ASIC2: variants seen among roughly 807,000 people sequenced by gnomAD.
ASIC2 encodes acid-sensing ion channel 2.
A neutral mutation model predicts 57.3 loss-of-function variants in ASIC2; 25 were observed. The observed-to-expected ratio is 0.44, with a 90% CI of 0.32 to 0.61. The LOEUF (loss-of-function observed/expected upper bound fraction) is 0.61. Among genes scored for constraint, ASIC2 ranks in the 20% least tolerant of loss-of-function variants. The pLI, the probability that ASIC2 is intolerant of heterozygous loss-of-function variation, is 0.06. For missense variants in ASIC2, 641 were observed against 738.1 expected (o/e 0.87, Z 1.52); for synonymous variants, 319 against 307.5 (o/e 1.04, Z -0.39).
chr17:33,300,899 A>G (rs2142194106), intron 1 of ASIC2, among the ~76,000 whole-genome samples: 1 of 152,340 alleles, frequency 6.6e-6, no homozygotes, highest in East Asian at 1.9e-4. Flanking sequence ...TGAGAAGTTG[A>G]CATAATGAAG....
intron 1 of ASIC2, among the ~76,000 whole-genome samples, chr17:33,762,035 G>A (rs1910799316): frequency 6.6e-6 from 1 of 152,070 alleles, no homozygotes; most frequent in Admixed American, 6.5e-5. Context: ...AATGTCAGCA[G>A]GTCACACCTT....
chr17:33,980,770 C>A (rs554828071), intron 1 of ASIC2: 1 of 152,282 alleles, frequency 6.6e-6, no homozygotes, highest in South Asian at 2.1e-4. Flanking sequence ...ATGATTGATC[C>A]ATGGAAAGAC....
intron 1 of ASIC2, among the ~76,000 whole-genome samples, chr17:33,346,429 G>T (rs1175710911): frequency 1.3e-5 from 2 of 152,046 alleles, no homozygotes; most frequent in Non-Finnish European, 2.9e-5. Flanking sequence ...AACAGTGGTG[G>T]TATTTTCTGA....
At chr17:33,568,088 A>G (rs1916302990) in intron 1 of ASIC2, among the ~76,000 whole-genome samples, 1 of 152,142 alleles carries the variant, frequency 6.6e-6, no homozygotes, top group Non-Finnish European at 1.5e-5. Flanking sequence ...CTCAGTCACA[A>G]GTCAATCTGA....
chr17:33,893,868 C>G (rs558999748), intron 1 of ASIC2, among the ~76,000 whole-genome samples: 1 of 152,322 alleles, frequency 6.6e-6, no homozygotes, highest in Admixed American at 6.5e-5. Context: ...CCATCCTACC[C>G]TCATAAAACC....
chr17:34,099,224 AAG>A (rs1481548335), intron 1 of ASIC2, among the ~76,000 whole-genome samples: 1 of 148,470 alleles, frequency 6.7e-6, no homozygotes, highest in Non-Finnish European at 1.5e-5. Flanking sequence ...AAAGAAAAGA[AAG>A]AAAAAAGAAA....
chr17:33,901,482 T>A (rs1038502426), intron 1 of ASIC2, among the ~76,000 whole-genome samples: 1 of 152,116 alleles, frequency 6.6e-6, no homozygotes, highest in African/African-American at 2.4e-5. Flanking sequence ...TATTCCTCCC[T>A]TATTCCTCTT....
intron 1 of ASIC2, among the ~76,000 whole-genome samples, chr17:33,352,693 C>A (rs1908230884): frequency 6.6e-6 from 1 of 152,190 alleles, no homozygotes; most frequent in Admixed American, 6.5e-5. Context: ...GCCTTCCTTG[C>A]TGGCCTCCAC....
At chr17:34,068,169 C>T (rs968836232) in intron 1 of ASIC2, among the ~76,000 whole-genome samples, 4 of 152,192 alleles carry the variant, frequency 2.6e-5, no homozygotes, top group Non-Finnish European at 5.9e-5. Context: ...CCACAATCCT[C>T]TTCTCAACAT....
At chr17:34,113,976 G>C (rs889519401) in intron 1 of ASIC2, among the ~76,000 whole-genome samples, 1 of 152,234 alleles carries the variant, frequency 6.6e-6, no homozygotes, top group African/African-American at 2.4e-5. Context: ...TGAAGAGCTT[G>C]AGGCACCAGA....
chr17:33,663,640 G>A (rs1237692527), intron 1 of ASIC2, among the ~76,000 whole-genome samples: 1 of 152,160 alleles, frequency 6.6e-6, no homozygotes, highest in Non-Finnish European at 1.5e-5. Flanking sequence ...TGAACTGTAT[G>A]TAAGTACCAT....
Position 33,434,828 on chromosome 17 carries a change from T to C in ASIC2, c.556-322761A>G, listed in dbSNP as rs538743599. ...CGGAGAGTAAGGTATGCAATGGCTA[T>C]CTGATTTGAAAATGTAGATATAATA... On this transcript the variant is annotated intron_variant, in intron 1 of 9. Transcript: ENST00000359872. Among the ~76,000 whole-genome samples the C allele has an allele frequency of 1.2e-3, 188 of 152,350 alleles. 3 individuals carry two copies. The South Asian group carries it at 0.036, about 30-fold the overall frequency.
intron 1 of ASIC2, among the ~76,000 whole-genome samples, chr17:34,085,246 G>A (rs1158861432): frequency 2.0e-5 from 3 of 152,164 alleles, no homozygotes; most frequent in Non-Finnish European, 4.4e-5. Flanking sequence ...TTTTTAGCAT[G>A]AAGGTTGTTG....
At chr17:33,119,310 ATTCCGCTTTC>A (rs1171988241) in intron 1 of ASIC2, among the ~76,000 whole-genome samples, 1 of 152,204 alleles carries the variant, frequency 6.6e-6, no homozygotes, top group African/African-American at 2.4e-5. Flanking sequence ...CCCTGAGTCA[ATTCCGCTTTC>A]TTCTCAGTGA....
At chr17:33,095,757 C>G (rs1340401708) in intron 2 of ASIC2, among the ~76,000 whole-genome samples, 1 of 152,208 alleles carries the variant, frequency 6.6e-6, no homozygotes, top group Non-Finnish European at 1.5e-5. Context: ...GGACCATCCC[C>G]TGAAGGGCCG....
chr17:33,628,488 A>G (rs1906058215), intron 1 of ASIC2, among the ~76,000 whole-genome samples: 1 of 151,838 alleles, frequency 6.6e-6, no homozygotes, highest in Non-Finnish European at 1.5e-5. Flanking sequence ...GCAGAGATGA[A>G]GTCTCACTAT....
chr17:33,226,571 C>A (rs1428909607), intron 1 of ASIC2, among the ~76,000 whole-genome samples: 1 of 152,200 alleles, frequency 6.6e-6, no homozygotes, highest in African/African-American at 2.4e-5. Flanking sequence ...TCACTCTCGT[C>A]ATTTTTTTCA....
intron 1 of ASIC2, among the ~76,000 whole-genome samples, chr17:33,891,784 A>T (rs1383509470): frequency 3.3e-5 from 5 of 152,184 alleles, no homozygotes; most frequent in East Asian, 1.9e-4. Context: ...AGCTATGAAG[A>T]CAACTAAACA....
intron 1 of ASIC2, among the ~76,000 whole-genome samples, chr17:33,412,655 A>C (rs1169514057): frequency 6.6e-6 from 1 of 152,200 alleles, no homozygotes; most frequent in Admixed American, 6.5e-5. Context: ...TTTGGGCTGG[A>C]TATATGCCTA....
Sources: gnomAD v4.1 joint callset for allele counts (sites outside exome capture counted in the v4.1 genomes callset) on GRCh38, gnomAD v4.1.1 for gene constraint, MANE v1.5 for transcripts, NCBI Gene and HGNC (gene_info 2026-07-23, HGNC 2026-07-21) for gene names.